Variants in NLK observed in about 807,000 individuals in gnomAD.
NLK encodes the protein nemo like kinase.
In NLK, 11 loss-of-function variants were observed where a neutral mutation model predicts 59.0. The observed-to-expected ratio is 0.19, with a 90% CI of 0.12 to 0.31. NLK has a LOEUF of 0.31. NLK is among the 10% of genes least tolerant of loss of function. NLK has a pLI of 1.00. For synonymous variants in NLK, 235 were observed against 235.9 expected (o/e 1.00, Z 0.03); for missense variants, 410 against 661.1 (o/e 0.62, Z 4.16).
chr17:28,197,675 A>G (rs1909517174), downstream of NLK, among the ~76,000 whole-genome samples: 1 of 152,094 alleles, frequency 6.6e-6, no homozygotes, highest in Admixed American at 6.6e-5. Flanking sequence ...GTTTAAGAAC[A>G]TGTGGAAGAT....
intron 3 of NLK, among the ~76,000 whole-genome samples, chr17:28,136,808 G>A (rs949419057): frequency 2.0e-5 from 3 of 151,964 alleles, no homozygotes; most frequent in African/African-American, 7.3e-5. Context: ...TCACCATGTT[G>A]ACCACGCTGG....
chr17:28,146,341 T>G (rs569764282), intron 3 of NLK, among the ~76,000 whole-genome samples: 22 of 152,112 alleles, frequency 1.4e-4, no homozygotes, highest in Non-Finnish European at 2.9e-4. Context: ...TATTGATGTT[T>G]TAAAAAAAAC....
chr17:28,199,838 T>G (rs1909585261), downstream of NLK, among the ~76,000 whole-genome samples: 1 of 152,136 alleles, frequency 6.6e-6, no homozygotes, highest in Admixed American at 6.5e-5. Flanking sequence ...AGCCTATGGT[T>G]CATGGGGATG....
intron 1 of NLK, among the ~76,000 whole-genome samples, chr17:28,111,997 G>T (rs1905545085): frequency 6.8e-6 from 1 of 146,874 alleles, no homozygotes; most frequent in Non-Finnish European, 1.5e-5. Context: ...TTTATTTTCT[G>T]CTGAGCCCTC....
In NLK at chr17:28,056,485, T is replaced by TA. The variant is rs542853811; in HGVS notation, c.458+13155dup. Among the ~76,000 whole-genome samples, 136 of 152,280 alleles carry TA rather than the reference T, an allele frequency of 8.9e-4. 3 individuals are homozygous for TA. The South Asian group carries it at 0.027, about 30-fold the overall frequency. On this transcript the variant is annotated intron_variant, in intron 1 of 10. Coordinates refer to ENST00000407008, the MANE Select transcript of NLK (RefSeq NM_016231.5). ...CTATTGAAAATGGAGGAAGTGTTCT[T>TA]ACAAAAACAAAACAAATAAAAAATG...
intron 3 of NLK, among the ~76,000 whole-genome samples, chr17:28,146,847 C>T (rs1259217792): frequency 6.6e-6 from 1 of 152,160 alleles, no homozygotes; most frequent in Non-Finnish European, 1.5e-5. Flanking sequence ...AGACCTTTGA[C>T]TAATTTCTTT....
intron 7 of NLK, among the ~76,000 whole-genome samples, chr17:28,177,436 C>T (rs575859818): frequency 2.0e-5 from 3 of 152,162 alleles, no homozygotes; most frequent in Non-Finnish European, 2.9e-5. Flanking sequence ...CTGGCTTAAG[C>T]GAAAAAGGGA....
downstream of NLK, among the ~76,000 whole-genome samples, chr17:28,200,159 T>C (rs1909591614): frequency 6.6e-6 from 1 of 152,246 alleles, no homozygotes; most frequent in Non-Finnish European, 1.5e-5. Flanking sequence ...AGTTTTTATT[T>C]ATGATGAAGT....
chr17:28,156,500 T>C (rs948565752), intron 3 of NLK, among the ~76,000 whole-genome samples: 2 of 152,224 alleles, frequency 1.3e-5, no homozygotes, highest in African/African-American at 2.4e-5. Context: ...ATGGTTATTA[T>C]GTCTCTTGAG....
At chr17:28,127,754 T>C (rs1467535044) in intron 2 of NLK, among the ~76,000 whole-genome samples, 5 of 152,144 alleles carry the variant, frequency 3.3e-5, no homozygotes, top group Non-Finnish European at 7.4e-5. Flanking sequence ...CTGAAACTTA[T>C]GGAAATGCAA....
At chr17:28,086,544 T>C (rs985890880) in intron 1 of NLK, among the ~76,000 whole-genome samples, 2 of 152,234 alleles carry the variant, frequency 1.3e-5, no homozygotes, top group Admixed American at 6.5e-5. Context: ...TATAGTATTA[T>C]TGTTTTGTTA....
At position 28,152,129 on chromosome 17, in the gene NLK, G is replaced by A. The variant is rs1043317687; in HGVS notation, c.645-9031G>A. Among the ~76,000 whole-genome samples the A allele has an allele frequency of 5.9e-5, 9 of 152,272 alleles. No homozygotes were observed. The East Asian group carries it at 1.5e-3, about 26-fold the overall frequency. ...GGGTGAGCAACACCCTGACCTGATA[G>A]GTTTCATAATGCTAGATGAAATGTC... On this transcript the variant is annotated intron_variant, in intron 3 of 10. Transcript: ENST00000407008.
intron 1 of NLK, among the ~76,000 whole-genome samples, chr17:28,086,571 C>T (rs1039519701): frequency 2.6e-5 from 4 of 152,140 alleles, no homozygotes; most frequent in Admixed American, 1.3e-4. Context: ...AGCAAACCTA[C>T]ATAACTGAAT....
rs146550390 is a variant in NLK, at chr17:28,185,594, G to A, written c.1236+329G>A. 5.2e-3 allele frequency among the ~76,000 whole-genome samples: 793 copies of A among 152,190 alleles called. 13 individuals carry two copies. Among genetic ancestry groups the A allele is most frequent in the African/African-American group, 0.018 (731 of 41,522 alleles). On this transcript the variant is annotated intron_variant, in intron 8 of 10. Coordinates refer to ENST00000407008, the MANE Select transcript of NLK (RefSeq NM_016231.5). ...GACAAGGTCTTGCTCTGTCACCCAG[G>A]CTGGAGTGCAGAGGTGTGATCTCAG...
chr17:28,194,528 C>A (rs1909416753), intron 10 of NLK, 54 bp from the exon 11 acceptor site: 2 of 1,285,762 alleles, frequency 1.6e-6, no homozygotes, highest in South Asian at 1.3e-5. Flanking sequence ...AGTGAATTAC[C>A]CTTTTGTCCA....
At chr17:28,051,262 A>T (rs184388602) in intron 1 of NLK, among the ~76,000 whole-genome samples, 1 of 151,934 alleles carries the variant, frequency 6.6e-6, no homozygotes, top group Non-Finnish European at 1.5e-5. Context: ...TATTAATACA[A>T]TTCTTCCAAA....
At chr17:28,080,789 G>A (rs769179206) in intron 1 of NLK, among the ~76,000 whole-genome samples, 1 of 152,174 alleles carries the variant, frequency 6.6e-6, no homozygotes, top group Non-Finnish European at 1.5e-5. Flanking sequence ...GTTAGAACTA[G>A]CTGCTTCTAA....
chr17:28,075,826 C>G (rs1479005045), intron 1 of NLK, among the ~76,000 whole-genome samples: 1 of 152,126 alleles, frequency 6.6e-6, no homozygotes, highest in Non-Finnish European at 1.5e-5. Context: ...TCCTCCTCTT[C>G]CCGCACCCTT....
At chr17:28,128,798 C>G (rs111452773) in intron 2 of NLK, among the ~76,000 whole-genome samples, 91 of 152,224 alleles carry the variant, frequency 6.0e-4, no homozygotes, top group Non-Finnish European at 1.1e-3. Flanking sequence ...AATTCTATTT[C>G]GTATACACTC....
Sources: gnomAD v4.1 joint callset for allele counts (sites outside exome capture counted in the v4.1 genomes callset) on GRCh38, gnomAD v4.1.1 for gene constraint, MANE v1.5 for transcripts, NCBI Gene and HGNC (gene_info 2026-07-23, HGNC 2026-07-21) for gene names.